Variants in ASTN2 observed in about 807,000 individuals in gnomAD.
ASTN2 encodes astrotactin-2.
ASTN2 carries 54 observed loss-of-function variants against 139.8 expected under a neutral mutation model. That is an observed-to-expected ratio of 0.39 (90% confidence interval 0.31 to 0.48). ASTN2 has a LOEUF of 0.48. ASTN2 is among the 20% of genes least tolerant of loss of function. The pLI is 0.95. For missense variants in ASTN2, 1,565 were observed against 1,725.1 expected, an observed-to-expected ratio of 0.91 and a Z score of 1.64; for synonymous variants, 756 against 719.5, an observed-to-expected ratio of 1.05 and a Z score of -0.81.
intron 19 of ASTN2, among the ~76,000 whole-genome samples, chr9:116,578,084 G>A (rs917118510): frequency 6.6e-6 from 1 of 152,148 alleles, no homozygotes; most frequent in Non-Finnish European, 1.5e-5. Flanking sequence ...ACTACAGAGT[G>A]GAAAGTGAAC....
rs1044875585 is a variant in ASTN2, at chr9:116,989,671, C to T, written c.1592-12886G>A. On this transcript the variant is annotated intron_variant, in intron 7 of 22. Coordinates refer to ENST00000313400, the MANE Select transcript of ASTN2 (RefSeq NM_001365068.1). The stretch of plus-strand genomic sequence containing the variant: ...CAATCTCGGCTCACTGCAACCTCCA[C>T]CTCCTGGGTTCAAGTGATTCTCCTG... Among the ~76,000 whole-genome samples, 8 of 151,520 alleles carry T rather than the reference C, an allele frequency of 5.3e-5. No homozygotes were observed. The East Asian group carries it at 1.6e-3, about 29-fold the overall frequency.
At chr9:116,458,555 G>T (rs962542602) in intron 20 of ASTN2, among the ~76,000 whole-genome samples, 21 of 151,644 alleles carry the variant, frequency 1.4e-4, no homozygotes, top group African/African-American at 5.1e-4. Flanking sequence ...AGTCAAGCAG[G>T]TTACAAGATT....
intron 3 of ASTN2, among the ~76,000 whole-genome samples, chr9:117,187,235 G>T (rs1447720037): frequency 1.3e-5 from 2 of 152,198 alleles, no homozygotes; most frequent in Admixed American, 6.5e-5. Context: ...ATACAGGCTG[G>T]TCAGGGAGGG....
At chr9:116,714,333 A>G (rs1479150354) in intron 16 of ASTN2, among the ~76,000 whole-genome samples, 1 of 152,168 alleles carries the variant, frequency 6.6e-6, no homozygotes, top group African/African-American at 2.4e-5. Flanking sequence ...GGAAGAAGAC[A>G]TATATCTTAG....
intron 17 of ASTN2, among the ~76,000 whole-genome samples, chr9:116,637,000 C>A (rs10817916): frequency 0.55 from 83,564 of 152,046 alleles, 23,691 homozygotes; most frequent in East Asian, 0.86. Context: ...TCCTCTCCTC[C>A]CAAGTATGCA....
At chr9:117,123,366 A>G (rs1261046063) in intron 4 of ASTN2, among the ~76,000 whole-genome samples, 1 of 152,028 alleles carries the variant, frequency 6.6e-6, no homozygotes, top group Non-Finnish European at 1.5e-5. Flanking sequence ...TTGGGGTTCA[A>G]TTAATCTGGT....
intron 12 of ASTN2, among the ~76,000 whole-genome samples, chr9:116,810,841 T>G (rs142967225): frequency 3.2e-4 from 49 of 152,318 alleles, no homozygotes; most frequent in African/African-American, 1.1e-3. Context: ...TCTTTTCAGT[T>G]GTAGATATTT....
At position 116,545,290 on chromosome 9, in the gene ASTN2, C is replaced by T. The variant is rs1032744539; in HGVS notation, c.3356-57790G>A. 7.2e-5 allele frequency among the ~76,000 whole-genome samples: 11 copies of T among 152,186 alleles called. No homozygotes were observed. In the East Asian group the frequency reaches 1.9e-3, roughly 27 times the overall value. ...GTGGTTTTCTGTAATTACACATGGTCCTAAAATGTGTTGTTCTCAAAATTG... is the reference window on the plus strand; with the variant it reads ...GTGGTTTTCTGTAATTACACATGGTTCTAAAATGTGTTGTTCTCAAAATTG... On this transcript the variant is annotated intron_variant, in intron 19 of 22. Coordinates refer to ENST00000313400, the MANE Select transcript of ASTN2 (RefSeq NM_001365068.1).
chr9:117,403,886 A>G (rs184781500), intron 1 of ASTN2, among the ~76,000 whole-genome samples: 51 of 152,190 alleles, frequency 3.4e-4, no homozygotes, highest in Non-Finnish European at 6.3e-4. Context: ...GCAGACATCA[A>G]TGGTCAATTT....
chr9:117,081,677 A>AAAGAGAATC (rs1828431989), intron 5 of ASTN2, among the ~76,000 whole-genome samples: 1 of 152,210 alleles, frequency 6.6e-6, no homozygotes, highest in Non-Finnish European at 1.5e-5. Flanking sequence ...TGAGCCCTTA[A>AAAGAGAATC]AAGAGAATCG....
At position 116,694,459 on chromosome 9, in the gene ASTN2, CTTTTTTT is replaced by C. The variant is rs56666915; in HGVS notation, c.2806+31305_2806+31311del. Among the ~76,000 whole-genome samples the C allele has an allele frequency of 6.9e-4, 61 of 88,044 alleles. 1 individual carries two copies. Among genetic ancestry groups the C allele is most frequent in the East Asian group, 6.1e-3 (16 of 2,622 alleles). 57.8% of individuals were successfully genotyped at this position (88,044 alleles called of 152,430 possible). A position where few individuals can be genotyped will look rare whatever the true frequency, so the allele number is the denominator to read the frequency against. ...GCATGGATCCTGAGTTGTAATTTCT[CTTTTTTT>C]TTTTTTTTTTTTTGAGATGGAGTCT... On this transcript the variant is annotated intron_variant, in intron 16 of 22. Coordinates refer to ENST00000313400, the MANE Select transcript of ASTN2 (RefSeq NM_001365068.1).
chr9:117,265,641 C>G (rs1042638307), intron 2 of ASTN2, among the ~76,000 whole-genome samples: 1 of 152,150 alleles, frequency 6.6e-6, no homozygotes, highest in African/African-American at 2.4e-5. Flanking sequence ...CAGCAATCAA[C>G]AAACTCACCA....
intron 19 of ASTN2, among the ~76,000 whole-genome samples, chr9:116,520,576 C>T (rs1401800565): frequency 6.6e-6 from 1 of 152,022 alleles, no homozygotes; most frequent in Non-Finnish European, 1.5e-5. Context: ...AAAGCATTCC[C>T]CCTAAGAACT....
intron 4 of ASTN2, among the ~76,000 whole-genome samples, chr9:117,131,686 C>T (rs1829831758): frequency 1.3e-5 from 2 of 152,192 alleles, no homozygotes; most frequent in Admixed American, 1.3e-4. Flanking sequence ...TTAACTCAAG[C>T]ATTTACTTCA....
intron 10 of ASTN2, among the ~76,000 whole-genome samples, chr9:116,944,013 T>G (rs1305355567): frequency 6.6e-6 from 1 of 151,796 alleles, no homozygotes; most frequent in East Asian, 1.9e-4. Flanking sequence ...ACAACAATAA[T>G]AGCCAACATT....
intron 3 of ASTN2, among the ~76,000 whole-genome samples, chr9:117,166,323 T>A (rs1830669675): frequency 6.6e-6 from 1 of 152,096 alleles, no homozygotes; most frequent in African/African-American, 2.4e-5. Flanking sequence ...GTCTCTCTCC[T>A]CTTCAGTCTC....
At chr9:116,667,050 T>G (rs1302259206) in intron 16 of ASTN2, among the ~76,000 whole-genome samples, 1 of 148,102 alleles carries the variant, frequency 6.8e-6, no homozygotes, top group Non-Finnish European at 1.5e-5. Context: ...CTGCCTCCTG[T>G]GTTCAAGCTA....
rs377723600 is a variant in ASTN2, at chr9:116,791,908, A to G, written c.2396+13724T>C. On this transcript the variant is annotated intron_variant, in intron 13 of 22. Coordinates refer to ENST00000313400, the MANE Select transcript of ASTN2 (RefSeq NM_001365068.1). The stretch of plus-strand genomic sequence containing the variant: ...AAAGCGAGCTGTGAAGACAAGCAAA[A>G]TGGATCTTGTTGATTTTGTTGTTTT... Among the ~76,000 whole-genome samples, 10 of 152,308 alleles carry G rather than the reference A, an allele frequency of 6.6e-5. No homozygotes were observed. In the South Asian group the frequency reaches 1.9e-3, roughly 28 times the overall value.
intron 1 of ASTN2, among the ~76,000 whole-genome samples, chr9:117,310,653 A>G (rs1421870311): frequency 1.3e-5 from 2 of 152,048 alleles, no homozygotes; most frequent in Non-Finnish European, 2.9e-5. Flanking sequence ...TTTTTGAGAT[A>G]GCGTCTCCTG....
Sources: gnomAD v4.1 joint callset for allele counts (sites outside exome capture counted in the v4.1 genomes callset) on GRCh38, gnomAD v4.1.1 for gene constraint, MANE v1.5 for transcripts, NCBI Gene and HGNC (gene_info 2026-07-23, HGNC 2026-07-21) for gene names.